The following GAD2 variants were observed in gnomAD, a reference collection of about 807,000 sequenced individuals.
GAD2 encodes the protein 65 kDa glutamic acid decarboxylase.
GAD2 carries 22 observed loss-of-function variants against 80.1 expected under a neutral mutation model. The observed-to-expected ratio is 0.27, with a 90% confidence interval of 0.20 to 0.39. The LOEUF (loss-of-function observed/expected upper bound fraction) is 0.39. Among genes scored for constraint, GAD2 ranks in the 10% least tolerant of loss-of-function variants. The probability of loss-of-function intolerance (pLI) is 1.00; values close to 1 mark genes in which losing one functional copy is unlikely to be tolerated. For synonymous variants in GAD2, 274 were observed against 256.9 expected (o/e 1.07, Z -0.64); for missense variants, 624 against 738.4 (o/e 0.85, Z 1.80).
chr10:26,236,576 C>T (rs924335341), intron 7 of GAD2, among the ~76,000 whole-genome samples: 1 of 152,200 alleles, frequency 6.6e-6, no homozygotes, highest in African/African-American at 2.4e-5. Flanking sequence ...GCTGGAATTA[C>T]AGGCGTGAGC....
Position 26,292,459 on chromosome 10 carries a change from A to T in GAD2, c.1387-6A>T, listed in dbSNP as rs190881129. On this transcript the variant is annotated splice_polypyrimidine_tract_variant and splice_region_variant and intron_variant, in intron 13 of 15. Coordinates refer to ENST00000376261, the MANE Select transcript of GAD2 (RefSeq NM_001134366.2). ...GCTTAATGAGCTGTGTCCTTCTCTT[A>T]CCTAGGGGACTACCGGGTTTGAAGC... The T allele has an allele frequency of 1.1e-4, 177 of 1,609,878 alleles. No individual in the cohort carries two copies. The highest frequency in any genetic ancestry group is 1.5e-4 in the Non-Finnish European group (171 of 1,176,226).
rs368409426 is a variant in GAD2, at chr10:26,217,032, C to T, written c.76+147C>T. ...CCCTGCTTTTGGGCTAAGTCCTTGACGGCCCAAGAGCTCAAGACCTCTACA... is the reference window on the plus strand; with the variant it reads ...CCCTGCTTTTGGGCTAAGTCCTTGATGGCCCAAGAGCTCAAGACCTCTACA... On this transcript the variant is annotated intron_variant, in intron 1 of 15. Coordinates refer to ENST00000376261, the MANE Select transcript of GAD2 (RefSeq NM_001134366.2). This position sits in a 1 kb window ranked among gnomAD's most constrained non-coding sequence, Gnocchi z 4.9. 1.1e-5 allele frequency: 7 copies of T among 652,814 alleles called. No homozygotes were observed. Among genetic ancestry groups the T allele is most frequent in the Middle Eastern group, 2.7e-4 (1 of 3,720 alleles). The allele number at this position is 652,814 out of a possible 1,614,324, so 40.4% of individuals were successfully genotyped here.
chr10:26,297,041 A>G (rs1356952373), intron 15 of GAD2, among the ~76,000 whole-genome samples: 11 of 151,942 alleles, frequency 7.2e-5, no homozygotes, highest in African/African-American at 2.7e-4. Context: ...CAGCCTGCCG[A>G]GTAGCTGGGA....
In GAD2 at chr10:26,219,521, C is replaced by T. The variant is rs974800086; in HGVS notation, c.520+245C>T. ...TTTAAGTGTAAATCATCAGATTTTA[C>T]GTTGCATGTATTTGGACACGGAGGT... On this transcript the variant is annotated intron_variant, in intron 4 of 15. Coordinates refer to ENST00000376261, the MANE Select transcript of GAD2 (RefSeq NM_001134366.2). 3.3e-5 allele frequency among the ~76,000 whole-genome samples: 5 copies of T among 152,140 alleles called. No individual in the cohort carries two copies. In the South Asian group the frequency reaches 1.0e-3, roughly 32 times the overall value.
chr10:26,231,618 C>T (rs1208213926), intron 7 of GAD2, among the ~76,000 whole-genome samples: 2 of 152,204 alleles, frequency 1.3e-5, no homozygotes, highest in African/African-American at 4.8e-5. Flanking sequence ...TTTTACCTTT[C>T]TGTTGCTGCT....
At chr10:26,218,551 T>TCTCTCACACACACACA (rs748110324) in intron 3 of GAD2, among the ~76,000 whole-genome samples, 81 of 118,856 alleles carry the variant, frequency 6.8e-4, no homozygotes, top group East Asian at 5.3e-3. Flanking sequence ...TCTCTCTCTC[T>TCTCTCACACACACACA]CACACACACA....
At chr10:26,284,665 G>A (rs1020797226) in intron 12 of GAD2, among the ~76,000 whole-genome samples, 5 of 145,034 alleles carry the variant, frequency 3.4e-5, no homozygotes, top group African/African-American at 1.3e-4. Flanking sequence ...TCCACCTCCT[G>A]GGTTCAAGCG....
intron 11 of GAD2, among the ~76,000 whole-genome samples, chr10:26,276,961 G>A (rs138929615): frequency 1.5e-3 from 221 of 152,306 alleles, no homozygotes; most frequent in African/African-American, 5.2e-3. Context: ...CTATCTTCAA[G>A]GAGTTCAGAA....
chr10:26,285,079 T>C (rs1438333919), intron 12 of GAD2, among the ~76,000 whole-genome samples: 1 of 152,226 alleles, frequency 6.6e-6, no homozygotes, highest in African/African-American at 2.4e-5. Context: ...AATTTTCACC[T>C]TATTGGTCTT....
chr10:26,242,540 T>C (rs1844756202), intron 7 of GAD2, among the ~76,000 whole-genome samples: 1 of 152,206 alleles, frequency 6.6e-6, no homozygotes, highest in African/African-American at 2.4e-5. Flanking sequence ...CTTTTTCCTC[T>C]CAAGTTTTCT....
At chr10:26,286,658 A>G (rs1379587489) in intron 13 of GAD2, among the ~76,000 whole-genome samples, 164 bp downstream of exon 13, 1 of 152,244 alleles carries the variant, frequency 6.6e-6, no homozygotes, top group Non-Finnish European at 1.5e-5. Context: ...ATGAGGAAAA[A>G]TATAGTCAAA....
chr10:26,281,140 T>C (rs867681504), intron 12 of GAD2, 53 bp downstream of exon 12: 10 of 1,300,258 alleles, frequency 7.7e-6, no homozygotes, highest in Admixed American at 1.7e-5. Flanking sequence ...TTGACTGTCT[T>C]TATGCGGTTG....
chr10:26,236,361 C>T (rs370234537), intron 7 of GAD2, among the ~76,000 whole-genome samples: 71 of 148,628 alleles, frequency 4.8e-4, no homozygotes, highest in Admixed American at 9.5e-4. Context: ...AGTGCAATGA[C>T]GCAATCTCAG....
chr10:26,236,009 C>T (rs574970415), intron 7 of GAD2, among the ~76,000 whole-genome samples: 1 of 152,348 alleles, frequency 6.6e-6, no homozygotes, highest in Admixed American at 6.5e-5. Flanking sequence ...CCAAGCCTGG[C>T]CCACACCCAC....
In GAD2 at chr10:26,268,335, G is replaced by T. The variant is rs1845095359; in HGVS notation, c.921-784G>T. 3.3e-5 allele frequency among the ~76,000 whole-genome samples: 5 copies of T among 152,202 alleles called. No homozygotes were observed. The South Asian group carries it at 1.0e-3, about 32-fold the overall frequency. On this transcript the variant is annotated intron_variant, in intron 8 of 15. Coordinates refer to ENST00000376261, the MANE Select transcript of GAD2 (RefSeq NM_001134366.2). Reference sequence around the variant, plus strand: ...TACAAAAAATTAGCCAGGCATGGTGGCGGGCGCCTGTAGTCCCAGCTACTC... The same window carrying T: ...TACAAAAAATTAGCCAGGCATGGTGTCGGGCGCCTGTAGTCCCAGCTACTC...
At chr10:26,235,982 G>A (rs12253114) in intron 7 of GAD2, among the ~76,000 whole-genome samples, 16,930 of 152,102 alleles carry the variant, frequency 0.11, 3,094 homozygotes, top group African/African-American at 0.38. Flanking sequence ...TAACTAATTC[G>A]CTCCGCTCTT....
At position 26,226,584 on chromosome 10, in the gene GAD2, C is replaced by G. The variant is rs1350675289; in HGVS notation, c.724+1933C>G. Among the ~76,000 whole-genome samples, 5 of 152,190 alleles carry G rather than the reference C, an allele frequency of 3.3e-5. No homozygotes were observed. The East Asian group carries it at 9.6e-4, about 29-fold the overall frequency. The stretch of plus-strand genomic sequence containing the variant: ...ATCCTTACTGGCTATGGATGCTATT[C>G]CCGGGAGCAACCAGCCTTGCTCCTG... On this transcript the variant is annotated intron_variant, in intron 6 of 15. Coordinates refer to ENST00000376261, the MANE Select transcript of GAD2 (RefSeq NM_001134366.2).
chr10:26,239,994 G>C (rs767155622), intron 7 of GAD2, among the ~76,000 whole-genome samples: 1 of 152,218 alleles, frequency 6.6e-6, no homozygotes, highest in Non-Finnish European at 1.5e-5. Context: ...CTGAAACCCT[G>C]TGATCTGTTA....
intron 3 of GAD2, chr10:26,218,230 G>T (rs903173546): frequency 2.4e-6 from 1 of 411,460 alleles, no homozygotes; most frequent in Admixed American, 4.2e-5. Flanking sequence ...TCTTCCCCCA[G>T]CGCGGCCCTT....
Sources: allele counts gnomAD v4.1 joint callset (sites outside exome capture counted in the v4.1 genomes callset), GRCh38; gene constraint gnomAD v4.1.1; non-coding constraint Gnocchi (gnomAD v3.1); transcripts MANE v1.5; gene names NCBI Gene and HGNC (gene_info 2026-07-23, HGNC 2026-07-21).